RPA1: variants seen among roughly 807,000 people sequenced by gnomAD.
RPA1 encodes the protein replication protein A 70 kDa DNA-binding subunit.
In RPA1, 49 loss-of-function variants were observed where a neutral mutation model predicts 83.0. That is an observed-to-expected ratio of 0.59 (90% CI 0.47 to 0.75). RPA1 has a LOEUF of 0.75. Among genes scored for constraint, RPA1 ranks in the 30% least tolerant of loss-of-function variants. RPA1 has a pLI of 0.00. For missense variants in RPA1, 693 were observed against 776.1 expected (o/e 0.89, Z 1.27); for synonymous variants, 279 against 281.8 (o/e 0.99, Z 0.10).
At chr17:1,895,483 G>C (rs532834055) in intron 16 of RPA1, among the ~76,000 whole-genome samples, 1 of 151,506 alleles carries the variant, frequency 6.6e-6, no homozygotes, top group Non-Finnish European at 1.5e-5. Context: ...TGAGCCGGGC[G>C]TGGTGGTGTG....
intron 1 of RPA1, among the ~76,000 whole-genome samples, chr17:1,836,035 T>G (rs1911805700): frequency 6.6e-6 from 1 of 152,228 alleles, no homozygotes; most frequent in Non-Finnish European, 1.5e-5. Context: ...TGTCCAGTAC[T>G]GTTCCCCAGA....
At chr17:1,896,790 A>G (rs1914448834) in intron 16 of RPA1, among the ~76,000 whole-genome samples, 1 of 152,192 alleles carries the variant, frequency 6.6e-6, no homozygotes, top group Non-Finnish European at 1.5e-5. Flanking sequence ...AATAAATGAA[A>G]CTAGAGAAAC....
chr17:1,854,683 A>G (rs1242431811), intron 5 of RPA1, among the ~76,000 whole-genome samples: 4 of 152,186 alleles, frequency 2.6e-5, no homozygotes, highest in Non-Finnish European at 4.4e-5. Context: ...CAGCCTGGGA[A>G]CACAGCAAGT....
intron 13 of RPA1, among the ~76,000 whole-genome samples, chr17:1,887,463 G>A (rs542164981): frequency 6.6e-6 from 1 of 152,058 alleles, no homozygotes; most frequent in Admixed American, 6.5e-5. Flanking sequence ...GGAGGCTGAG[G>A]CAGGAGAATC....
intron 4 of RPA1, among the ~76,000 whole-genome samples, chr17:1,850,843 G>A (rs1912466801): frequency 6.6e-6 from 1 of 152,050 alleles, no homozygotes; most frequent in Non-Finnish European, 1.5e-5. Context: ...AGTGAGCTGA[G>A]ATTGTGCCAC....
chr17:1,844,276 G>C (rs1912173407), intron 3 of RPA1, among the ~76,000 whole-genome samples: 1 of 152,116 alleles, frequency 6.6e-6, no homozygotes, highest in Non-Finnish European at 1.5e-5. Context: ...CTGAGTGCGA[G>C]GGGTCAGCTG....
In RPA1 at chr17:1,831,810, A is replaced by G. The variant is rs539333458; in HGVS notation, c.33+1684A>G. On this transcript the variant is annotated intron_variant, in intron 1 of 16. Transcript: ENST00000254719. ...GAGACGGGGTTTCACCGTGTTAGCC[A>G]GGATGGTCTCGATCTCCTGACCTTG... Among the ~76,000 whole-genome samples the G allele has an allele frequency of 1.1e-3, 165 of 150,862 alleles. 1 individual carries two copies. Among genetic ancestry groups the G allele is most frequent in the African/African-American group, 3.2e-3 (132 of 41,042 alleles).
chr17:1,872,332 A>C (rs1913403118), intron 5 of RPA1, 102 bp from the exon 6 acceptor site: 1 of 1,505,676 alleles, frequency 6.6e-7, no homozygotes, highest in East Asian at 2.5e-5. Context: ...TCTTTGACAA[A>C]ATAAAAAATT....
chr17:1,874,899 A>G (rs748692456), intron 6 of RPA1, among the ~76,000 whole-genome samples: 16 of 152,214 alleles, frequency 1.1e-4, no homozygotes, highest in Non-Finnish European at 1.6e-4. Context: ...TATTCTGAAG[A>G]AATGTTTTGA....
chr17:1,848,133 A>G (rs560963119), intron 4 of RPA1, among the ~76,000 whole-genome samples: 1 of 152,320 alleles, frequency 6.6e-6, no homozygotes, highest in African/African-American at 2.4e-5. Context: ...GCTGATGACA[A>G]CAGTGTTCTA....
intron 12 of RPA1, among the ~76,000 whole-genome samples, chr17:1,882,561 G>A (rs1393497964): frequency 4.6e-5 from 7 of 152,068 alleles, no homozygotes; most frequent in Admixed American, 2.0e-4. Flanking sequence ...CCAGCTACTC[G>A]GGAGGCTGAG....
chr17:1,858,091 A>T (rs1469603173), intron 5 of RPA1: 1 of 1,613,162 alleles, frequency 6.2e-7, no homozygotes, highest in Non-Finnish European at 8.5e-7. Context: ...CAGGACAACC[A>T]CTCCAGACTG....
At chr17:1,882,241 C>T (rs1913824923) in intron 12 of RPA1, among the ~76,000 whole-genome samples, 1 of 152,122 alleles carries the variant, frequency 6.6e-6, no homozygotes, top group African/African-American at 2.4e-5. Flanking sequence ...GAAGTACAAT[C>T]AGTTTTCATA....
chr17:1,860,727 C>T (rs55966455), intron 5 of RPA1, among the ~76,000 whole-genome samples: 32,853 of 151,996 alleles, frequency 0.22, 3,669 homozygotes, highest in Admixed American at 0.25. Flanking sequence ...CCGGCCTCTC[C>T]GATCATGGAT....
chr17:1,849,618 G>GTT (rs879833245), intron 4 of RPA1, among the ~76,000 whole-genome samples: 7 of 136,460 alleles, frequency 5.1e-5, no homozygotes, highest in Middle Eastern at 3.6e-3. Flanking sequence ...TTGTCATTTT[G>GTT]TTTTTTTTTT....
In RPA1 at chr17:1,830,027, G is replaced by T; in HGVS notation, c.-67G>T. On this transcript the variant is annotated 5_prime_UTR_variant, in exon 1 of 17. Coordinates refer to ENST00000254719, the MANE Select transcript of RPA1 (RefSeq NM_002945.5). ...CTTCTCGGGCCAATAACTGCGCAGC[G>T]CGCGGGACCCGGGTGGGGAAGCTGG... 8.1e-7 allele frequency: 1 copy of T among 1,240,724 alleles called. No homozygotes were observed. The highest frequency in any genetic ancestry group is 1.0e-6 in the Non-Finnish European group (1 of 981,414). 76.9% of individuals were successfully genotyped at this position (1,240,724 alleles called of 1,614,324 possible). A position where few individuals can be genotyped will look rare whatever the true frequency, so the allele number is the denominator to read the frequency against.
At chr17:1,886,558 G>T (rs1400517203) in intron 13 of RPA1, among the ~76,000 whole-genome samples, 1 of 152,198 alleles carries the variant, frequency 6.6e-6, no homozygotes, top group African/African-American at 2.4e-5. Context: ...CACCTTCATT[G>T]GTGGTCCTAG....
intron 5 of RPA1, among the ~76,000 whole-genome samples, chr17:1,855,331 T>TTGTGTGTG: frequency 1.5e-5 from 1 of 68,302 alleles, no homozygotes; most frequent in East Asian, 7.3e-4. Flanking sequence ...CCGGCTAAAA[T>TTGTGTGTG]TGTGTGTGTG....
At chr17:1,874,012 A>ATAT (rs1376858996) in intron 6 of RPA1, among the ~76,000 whole-genome samples, 7 of 93,822 alleles carry the variant, frequency 7.5e-5, no homozygotes, top group African/African-American at 3.6e-4. Flanking sequence ...AAAAAAAAAA[A>ATAT]ATATATATAT....
Sources: gnomAD v4.1 joint callset for allele counts (sites outside exome capture counted in the v4.1 genomes callset) on GRCh38, gnomAD v4.1.1 for gene constraint, MANE v1.5 for transcripts, NCBI Gene and HGNC (gene_info 2026-07-23, HGNC 2026-07-21) for gene names.